Variants in C1QTNF7 observed in about 807,000 individuals in gnomAD.
C1QTNF7 encodes the protein complement C1q tumor necrosis factor-related protein 7.
In C1QTNF7, 15 loss-of-function variants were observed where a neutral mutation model predicts 19.6. The ratio of observed to expected loss-of-function variants is 0.76; its 90% CI spans 0.51 to 1.18. The LOEUF is 1.18. Among genes scored for constraint, C1QTNF7 ranks in the 50% most tolerant of loss-of-function variants. C1QTNF7 has a pLI of 0.00. For missense variants in C1QTNF7, 324 were observed against 359.7 expected, an observed-to-expected ratio of 0.90 and a Z score of 0.80; for synonymous variants, 142 against 137.5, an observed-to-expected ratio of 1.03 and a Z score of -0.23.
chr4:15,439,532 C>T (rs1234442722), intron 2 of C1QTNF7, among the ~76,000 whole-genome samples: 1 of 152,278 alleles, frequency 6.6e-6, no homozygotes, highest in South Asian at 2.1e-4. Flanking sequence ...CTGCTTTGCC[C>T]AGTAAGTTTG....
In C1QTNF7 at chr4:15,351,002, C is replaced by T. The variant is rs181036875; in HGVS notation, c.13+10795C>T. On this transcript the variant is annotated intron_variant, in intron 1 of 2. Transcript: ENST00000295297. The stretch of plus-strand genomic sequence containing the variant: ...GATTAAAATCCAAGCCGTCAGTTTC[C>T]AGGCTCATGCCCTTGGGCAACTTCT... Among the ~76,000 whole-genome samples, 452 of 152,300 alleles carry T rather than the reference C, an allele frequency of 3.0e-3. 2 individuals are homozygous for T. The highest frequency in any genetic ancestry group is 0.01 in the African/African-American group (430 of 41,578).
At chr4:15,374,618 A>C (rs1353537548) in intron 1 of C1QTNF7, 1 of 985,228 alleles carries the variant, frequency 1.0e-6, no homozygotes, top group Non-Finnish European at 1.2e-6. Flanking sequence ...AACGCTTTTG[A>C]AAGCGAATCA....
At chr4:15,414,928 T>G (rs1374751238) in intron 1 of C1QTNF7, among the ~76,000 whole-genome samples, 1 of 152,240 alleles carries the variant, frequency 6.6e-6, no homozygotes, top group Non-Finnish European at 1.5e-5. Flanking sequence ...AAATTTGTTC[T>G]TAGTCAACAG....
intron 1 of C1QTNF7, among the ~76,000 whole-genome samples, chr4:15,362,138 GC>G (rs1441212811): frequency 6.6e-6 from 1 of 152,128 alleles, no homozygotes; most frequent in East Asian, 1.9e-4. Context: ...AATGGCTGTT[GC>G]AAAAATTAAT....
chr4:15,363,338 G>A (rs983655473), intron 1 of C1QTNF7, among the ~76,000 whole-genome samples: 2 of 151,906 alleles, frequency 1.3e-5, no homozygotes, highest in African/African-American at 2.4e-5. Flanking sequence ...CAAGTAGAAC[G>A]AAAACTTTGT....
chr4:15,371,283 C>T (rs1031012746), intron 1 of C1QTNF7, among the ~76,000 whole-genome samples: 21 of 152,212 alleles, frequency 1.4e-4, no homozygotes, highest in Non-Finnish European at 2.9e-5. Flanking sequence ...GGGAAGAATG[C>T]ATTTGGTGGT....
rs1712901748 is a variant in C1QTNF7 at position 15,444,171 on chromosome 4, C to T, written c.*1372C>T. On this transcript the variant is annotated 3_prime_UTR_variant, in exon 3 of 3. Transcript: ENST00000444304. ...CAATCCTCCTTCTATGTATTCCTTT[C>T]TCTGCTCATTGACTTATAAATAGTT... 2 of 152,228 alleles carry T rather than the reference C, an allele frequency of 1.3e-5. No homozygotes were observed. Among genetic ancestry groups the T allele is most frequent in the South Asian group, 4.1e-4 (2 of 4,826 alleles). The allele number at this position is 152,228 out of a possible 1,614,324, so 9.4% of individuals were successfully genotyped here. A position where few individuals can be genotyped will look rare whatever the true frequency, so the allele number is the denominator to read the frequency against.
chr4:15,341,856 G>A (rs763309515), intron 1 of C1QTNF7, among the ~76,000 whole-genome samples: 3 of 152,176 alleles, frequency 2.0e-5, no homozygotes, highest in Non-Finnish European at 4.4e-5. Context: ...CCCTGGGGAC[G>A]GGTGCGGCAG....
chr4:15,415,244 C>G (rs1318683757), intron 1 of C1QTNF7, among the ~76,000 whole-genome samples: 2 of 152,026 alleles, frequency 1.3e-5, no homozygotes, highest in Non-Finnish European at 2.9e-5. Flanking sequence ...AGAGAAGGAG[C>G]TAGAGTTGTA....
intron 1 of C1QTNF7, among the ~76,000 whole-genome samples, chr4:15,365,479 A>G (rs149422661): frequency 6.6e-6 from 1 of 152,218 alleles, no homozygotes; most frequent in Non-Finnish European, 1.5e-5. Context: ...ACGTGGTTCA[A>G]CTTAGACCCG....
intron 1 of C1QTNF7, among the ~76,000 whole-genome samples, chr4:15,348,678 T>C (rs1315727758): frequency 6.6e-6 from 1 of 152,222 alleles, no homozygotes; most frequent in Non-Finnish European, 1.5e-5. Context: ...GTGCCAGGTC[T>C]TCAGATTTTT....
rs1007682336 is a variant in C1QTNF7 at position 15,345,995 on chromosome 4, A to C, written c.13+5788A>C. On this transcript the variant is annotated intron_variant, in intron 1 of 2. Coordinates refer to the C1QTNF7 transcript ENST00000295297. ...TTTCCACACTGTCACAGGGACTCTC[A>C]GAAAGGATTTTTCTATTTTCTGTTG... Among the ~76,000 whole-genome samples, 3 of 152,216 alleles carry C rather than the reference A, an allele frequency of 2.0e-5. No individual in the cohort carries two copies. In the East Asian group the frequency reaches 5.8e-4, roughly 29 times the overall value.
At chr4:15,382,022 A>G (rs1252117192) in intron 1 of C1QTNF7, among the ~76,000 whole-genome samples, 9 of 152,226 alleles carry the variant, frequency 5.9e-5, no homozygotes, top group Admixed American at 2.0e-4. Flanking sequence ...CTTGTTACAA[A>G]ATAGAGTCAA....
At chr4:15,352,272 T>G (rs1400435662) in intron 1 of C1QTNF7, among the ~76,000 whole-genome samples, 1 of 152,174 alleles carries the variant, frequency 6.6e-6, no homozygotes, top group African/African-American at 2.4e-5. Context: ...AATAGCTGCT[T>G]CCCATTTTAG....
At chr4:15,365,686 A>AT (rs1717490560) in intron 1 of C1QTNF7, among the ~76,000 whole-genome samples, 1 of 151,960 alleles carries the variant, frequency 6.6e-6, no homozygotes, top group South Asian at 2.1e-4. Context: ...TGCTTCAAGT[A>AT]TTTTTTTCTC....
At chr4:15,340,072 G>A in exon 1 of C1QTNF7, 1 of 1,155,320 alleles carries the variant, frequency 8.7e-7, no homozygotes. Context: ...TTTTTGCATT[G>A]TTTTGGAGTA....
At chr4:15,364,057 T>A in intron 1 of C1QTNF7, among the ~76,000 whole-genome samples, 1 of 152,250 alleles carries the variant, frequency 6.6e-6, no homozygotes, top group East Asian at 1.9e-4. Flanking sequence ...ATTAATCTTG[T>A]TATGATCCCA....
intron 1 of C1QTNF7, among the ~76,000 whole-genome samples, chr4:15,405,276 A>G (rs1350040979): frequency 1.3e-5 from 2 of 152,206 alleles, no homozygotes; most frequent in Non-Finnish European, 2.9e-5. Context: ...TTGACATTGC[A>G]TCTGTGTCAG....
At chr4:15,427,093 T>G (rs1029484811), upstream of C1QTNF7, among the ~76,000 whole-genome samples, 1 of 152,028 alleles carries the variant, frequency 6.6e-6, no homozygotes, top group African/African-American at 2.4e-5. Context: ...GTGTGGAGAG[T>G]GGATCCCAAA....
Sources: gnomAD v4.1 joint callset for allele counts (sites outside exome capture counted in the v4.1 genomes callset) on GRCh38, gnomAD v4.1.1 for gene constraint, MANE v1.5 for transcripts, NCBI Gene and HGNC (gene_info 2026-07-23, HGNC 2026-07-21) for gene names.